OTOF: variants seen among roughly 807,000 people sequenced by gnomAD.
OTOF encodes fer-1-like family member 2.
In OTOF, 218 loss-of-function variants were observed where a neutral mutation model predicts 236.8. That is an observed-to-expected ratio of 0.92 (90% CI 0.82 to 1.03). OTOF has a LOEUF of 1.03. Ranked by LOEUF, OTOF falls within the 50% of genes least tolerant of loss-of-function variation. The pLI is 0.00. For synonymous variants in OTOF, 1,041 were observed against 1,072.5 expected (o/e 0.97, Z 0.57); for missense variants, 2,590 against 2,694.4 (o/e 0.96, Z 0.86).
In OTOF at chr2:26,467,406, C is replaced by T. The variant is rs745399096; in HGVS notation, c.4186G>A (p.Glu1396Lys). The T allele has an allele frequency of 7.4e-6, 12 of 1,613,808 alleles. No individual in the cohort carries two copies. In the East Asian group the frequency reaches 1.1e-4, roughly 15 times the overall value. ...TQSSGSGQGSEAPEKKKPKID... is the reference protein window; with the variant it reads ...TQSSGSGQGSKAPEKKKPKID... Reference sequence around the variant, plus strand: ...TTGGGTTTCTTCTTCTCGGGGGCCTCGGACCCCTGGCCAGAGCCAGAGCTC... The same window carrying T: ...TTGGGTTTCTTCTTCTCGGGGGCCTTGGACCCCTGGCCAGAGCCAGAGCTC... Residue 1396 changes from glutamate (E) to lysine (K), a missense_variant, in exon 34 of 47, where the codon GAG becomes AAG. By Grantham distance (56) the Glu-to-Lys change is moderately conservative (BLOSUM62 1). This residue lies in a region of OTOF where 1,211 missense variants were observed against 1,352.8 expected (regional missense o/e 0.90). Coordinates refer to ENST00000272371, the MANE Select transcript of OTOF (RefSeq NM_194248.3).
At chr2:26,518,420 C>G (rs1183113396) in intron 4 of OTOF, among the ~76,000 whole-genome samples, 1 of 152,234 alleles carries the variant, frequency 6.6e-6, no homozygotes, top group Non-Finnish European at 1.5e-5. Flanking sequence ...CACCATCATG[C>G]CAACTGCCCA....
At chr2:26,510,689 C>A (rs755682658) in intron 5 of OTOF, 3 of 1,287,922 alleles carry the variant, frequency 2.3e-6, no homozygotes, top group Non-Finnish European at 3.0e-6. Flanking sequence ...CGTCTGCCCT[C>A]GCCTGGGACA....
At position 26,537,858 on chromosome 2, in the gene OTOF, G is replaced by A. The variant is rs552382350; in HGVS notation, c.80-84C>T. 232 of 1,011,734 alleles carry A rather than the reference G, an allele frequency of 2.3e-4. No individual in the cohort carries two copies. The African/African-American group carries it at 3.0e-3, about 13-fold the overall frequency. 62.7% of individuals were successfully genotyped at this position (1,011,734 alleles called of 1,614,324 possible). ...GTCAGACCTCCTCATCCTGGGAGTC[G>A]TCCTAACAGCATTTGACTTTTCATG... On this transcript the variant is annotated intron_variant, in intron 1 of 46. Coordinates refer to ENST00000272371, the MANE Select transcript of OTOF (RefSeq NM_194248.3).
At chr2:26,475,797 C>A in intron 24 of OTOF, 117 bp downstream of exon 24, 1 of 1,355,630 alleles carries the variant, frequency 7.4e-7, no homozygotes, top group Non-Finnish European at 1.0e-6. Context: ...GGGGCACTGG[C>A]TGACCTGTGG....
chr2:26,509,090 G>A (rs1052129452), intron 5 of OTOF, among the ~76,000 whole-genome samples: 2 of 152,218 alleles, frequency 1.3e-5, no homozygotes, highest in Admixed American at 1.3e-4. Context: ...GATCAGGCCA[G>A]TCTGTGTCCC....
Position 26,462,183 on chromosome 2 carries a change from TG to T in OTOF, c.5193-3del, listed in dbSNP as rs1664499681. 3.1e-6 allele frequency: 5 copies of T among 1,613,406 alleles called. No individual in the cohort carries two copies. Among genetic ancestry groups the T allele is most frequent in the Non-Finnish European group, 4.2e-6 (5 of 1,179,626 alleles). ...CAGATGATGACCCGCAGCTCGTACC[TG>T]GGCCCAGGGAGAGAAGGCTGGTTAG... is the stretch of plus-strand genomic sequence containing the variant. On this transcript the variant is annotated splice_polypyrimidine_tract_variant and splice_region_variant and intron_variant, in intron 41 of 46. Coordinates refer to ENST00000272371, the MANE Select transcript of OTOF (RefSeq NM_194248.3). The surrounding 1 kb of genome is among the most constrained non-coding windows in gnomAD (Gnocchi z 4.7).
rs558793973 is a variant in OTOF, at chr2:26,475,145, G to A, written c.3126+214C>T. Among the ~76,000 whole-genome samples the A allele has an allele frequency of 5.9e-5, 9 of 152,232 alleles. No homozygotes were observed. In the South Asian group the frequency reaches 1.9e-3, roughly 32 times the overall value. On this transcript the variant is annotated intron_variant, in intron 25 of 46. Transcript: ENST00000272371. The stretch of plus-strand genomic sequence containing the variant: ...TCAGTCTGTAGGAGACAGGAGGTGA[G>A]GATGTGCTGGCCTGGGAAGGGGTCA...
chr2:26,526,133 ATGAAT>A (rs1666797753), intron 3 of OTOF, among the ~76,000 whole-genome samples: 1 of 147,524 alleles, frequency 6.8e-6, no homozygotes, highest in Non-Finnish European at 1.5e-5. Flanking sequence ...GGAAGGATGG[ATGAAT>A]GGATGGATGA....
At chr2:26,498,119 G>C (rs1344035460) in intron 8 of OTOF, among the ~76,000 whole-genome samples, 4 of 152,194 alleles carry the variant, frequency 2.6e-5, no homozygotes, top group Admixed American at 6.5e-5. Context: ...TCCATCTCGA[G>C]GCATGGCCAT....
In OTOF at chr2:26,473,209, C is replaced by T; in HGVS notation, c.3656G>A (p.Gly1219Asp). 6.2e-7 allele frequency: 1 copy of T among 1,613,208 alleles called. No individual in the cohort carries two copies. The highest frequency in any genetic ancestry group is 8.5e-7 in the Non-Finnish European group (1 of 1,180,002). ...CRAFGRYTLV[G>D]SHAVSSLRRF... ...TCGCAGGGAGCTGACGGCATGGGAG[C>T]CCACCAGTGTGTAGCGACCGAAGGC... The change falls in exon 29 of 47, where the codon GGC (glycine) becomes GAC (aspartate). Residue 1219 changes from glycine to aspartate, a missense_variant. This residue lies in a region of OTOF where 1,211 missense variants were observed against 1,352.8 expected (regional missense o/e 0.90). Coordinates refer to ENST00000272371, the MANE Select transcript of OTOF (RefSeq NM_194248.3). This position sits in a 1 kb window ranked among gnomAD's most constrained non-coding sequence, Gnocchi z 7.2.
In OTOF at chr2:26,473,806, G is replaced by C. The variant is rs1665116263; in HGVS notation, c.3408+185C>G. Among the ~76,000 whole-genome samples, 1 of 152,098 alleles carries C rather than the reference G, an allele frequency of 6.6e-6. No homozygotes were observed. Among genetic ancestry groups the C allele is most frequent in the African/African-American group, 2.4e-5 (1 of 41,404 alleles). Reference sequence around the variant, plus strand: ...GTCAGGGGTGCAGACAGGAGGGCTGGGCATGGTCCTGGGACATGGGAGTGC... The same window carrying C: ...GTCAGGGGTGCAGACAGGAGGGCTGCGCATGGTCCTGGGACATGGGAGTGC... On this transcript the variant is annotated intron_variant, in intron 27 of 46. Transcript: ENST00000272371. The surrounding 1 kb of genome is among the most constrained non-coding windows in gnomAD (Gnocchi z 7.2).
intron 1 of OTOF, among the ~76,000 whole-genome samples, chr2:26,549,435 T>C (rs968121895): frequency 1.3e-5 from 2 of 152,212 alleles, no homozygotes; most frequent in African/African-American, 2.4e-5. Flanking sequence ...GTTTCTTACA[T>C]AGTATACTCT....
chr2:26,549,693 G>T (rs1432797256), intron 1 of OTOF, among the ~76,000 whole-genome samples: 1 of 152,182 alleles, frequency 6.6e-6, no homozygotes, highest in Non-Finnish European at 1.5e-5. Flanking sequence ...TTGGGTCAGG[G>T]ATTCATCTGA....
rs563202445 is a variant in OTOF at position 26,505,232 on chromosome 2, G to A, written c.510-1387C>T. Among the ~76,000 whole-genome samples the A allele has an allele frequency of 2.0e-5, 3 of 152,242 alleles. No individual in the cohort carries two copies. The South Asian group carries it at 6.2e-4, about 32-fold the overall frequency. On this transcript the variant is annotated intron_variant, in intron 5 of 46. Transcript: ENST00000272371. ...GCAGCTCACAATTTAGGGAACATTA[G>A]CATGTTCTTTGAATTCCTAAAAAGG... is the stretch of plus-strand genomic sequence containing the variant.
chr2:26,464,370 G>A (rs1664629203), intron 39 of OTOF, among the ~76,000 whole-genome samples: 1 of 151,858 alleles, frequency 6.6e-6, no homozygotes, highest in Non-Finnish European at 1.5e-5. Context: ...CTGAGAGAAG[G>A]GTCAGGGAGG....
rs1664745136 is a variant in OTOF, at chr2:26,466,735, C to G, written c.4479G>C (p.Leu1493=). The change falls in exon 36 of 47, where the codon CTG becomes CTC. Residue 1493 remains leucine (L), a synonymous_variant. Coordinates refer to ENST00000272371, the MANE Select transcript of OTOF (RefSeq NM_194248.3). ...TCACCCGGACCACATAGACTCGGACCAGCACATTGATGGGGTCATTGCTCG... is the reference window on the plus strand; with the variant it reads ...TCACCCGGACCACATAGACTCGGACGAGCACATTGATGGGGTCATTGCTCG... ...GIPSNDPINV[L]VRVYVVRATD... 6.2e-7 allele frequency: 1 copy of G among 1,614,082 alleles called. No homozygotes were observed.
Position 26,460,733 on chromosome 2 carries a change from A to G in OTOF, c.5727T>C (p.Ala1909=), listed in dbSNP as rs149608479. ...CCTCTGCTGTCAGTAAATGCAGCTC[A>G]GCCTCCACCTTGCCCTGCAGAGGAC... ...DEFELTGKVE[A]ELHLLTAEEA... is the part of the protein sequence containing the mutation. The change falls in exon 45 of 47, where the codon GCT becomes GCC. Residue 1909 remains alanine (A), a synonymous_variant. Coordinates refer to ENST00000272371, the MANE Select transcript of OTOF (RefSeq NM_194248.3). This position sits in a 1 kb window ranked among gnomAD's most constrained non-coding sequence, Gnocchi z 5.3. The G allele has an allele frequency of 6.2e-7, 1 of 1,614,030 alleles. No homozygotes were observed. Among genetic ancestry groups the G allele is most frequent in the Non-Finnish European group, 8.5e-7 (1 of 1,179,972 alleles).
intron 2 of OTOF, among the ~76,000 whole-genome samples, chr2:26,529,010 G>A (rs1336738270): frequency 2.6e-5 from 4 of 152,200 alleles, no homozygotes; most frequent in South Asian, 2.1e-4. Context: ...ATCTATTTGC[G>A]CTCCATTGGC....
chr2:26,468,178 T>C (rs901123183), intron 33 of OTOF, among the ~76,000 whole-genome samples: 1 of 152,232 alleles, frequency 6.6e-6, no homozygotes, highest in African/African-American at 2.4e-5. Flanking sequence ...TCTGTGGCTC[T>C]AAATGTCTGC....
Sources: allele counts gnomAD v4.1 joint callset (sites outside exome capture counted in the v4.1 genomes callset), GRCh38; gene constraint gnomAD v4.1.1; regional missense constraint gnomAD v4.1.1; non-coding constraint Gnocchi (gnomAD v3.1); transcripts MANE v1.5; gene names NCBI Gene and HGNC (gene_info 2026-07-23, HGNC 2026-07-21).